ASB3: variants seen among roughly 807,000 people sequenced by gnomAD.
ASB3 encodes ankyrin repeat and SOCS box containing 3, also known as ankyrin repeat and SOCS box protein 3.
ASB3 carries 41 observed loss-of-function variants against 54.5 expected under a neutral mutation model. The ratio of observed to expected loss-of-function variants is 0.75; its 90% CI spans 0.59 to 0.98. The LOEUF is 0.98. ASB3 is among the 50% of genes least tolerant of loss of function. The pLI is 0.00. For missense variants in ASB3, 733 were observed against 620.0 expected (o/e 1.18, Z -1.94); for synonymous variants, 266 against 221.2 (o/e 1.20, Z -1.80).
intron 3 of ASB3, among the ~76,000 whole-genome samples, chr2:53,742,300 A>G (rs1671974187): frequency 6.6e-6 from 1 of 152,232 alleles, no homozygotes; most frequent in African/African-American, 2.4e-5. Flanking sequence ...CCTTCCTATT[A>G]TAAACCTCCT....
At chr2:53,698,604 C>T (rs1374823466) in intron 8 of ASB3, among the ~76,000 whole-genome samples, 1 of 152,180 alleles carries the variant, frequency 6.6e-6, no homozygotes, top group Non-Finnish European at 1.5e-5. Flanking sequence ...CCATAAAGTC[C>T]TTAGGCATAG....
chr2:53,762,652 CATTA>C (rs1673209960), intron 2 of ASB3, among the ~76,000 whole-genome samples: 1 of 152,116 alleles, frequency 6.6e-6, no homozygotes, highest in Non-Finnish European at 1.5e-5. Context: ...TATTGAATGG[CATTA>C]ATTGTCAGTG....
At chr2:53,739,566 C>T (rs1671821442) in intron 3 of ASB3, among the ~76,000 whole-genome samples, 1 of 152,094 alleles carries the variant, frequency 6.6e-6, no homozygotes, top group Non-Finnish European at 1.5e-5. Flanking sequence ...TAGGGAATTA[C>T]CATAACAATT....
In ASB3 at chr2:53,700,606, T is replaced by C. The variant is rs939439960; in HGVS notation, c.981-78A>G. On this transcript the variant is annotated intron_variant, in intron 7 of 9. Coordinates refer to ENST00000263634, the MANE Select transcript of ASB3 (RefSeq NM_016115.5). ...GATACTTCTTACAAACAGTTAATAG[T>C]AGTTACAGCTGGGGAATAAGTATGG... The C allele has an allele frequency of 4.0e-6, 6 of 1,503,464 alleles. No individual in the cohort carries two copies. In the Admixed American group the frequency reaches 9.3e-5, roughly 23 times the overall value. The allele number at this position is 1,503,464 out of a possible 1,614,324, so 93.1% of individuals were successfully genotyped here.
At chr2:53,682,073 T>C (rs1425677751) in intron 9 of ASB3, among the ~76,000 whole-genome samples, 1 of 151,750 alleles carries the variant, frequency 6.6e-6, no homozygotes, top group African/African-American at 2.4e-5. Context: ...GGCAGGAGAA[T>C]TGCTTGAATC....
At chr2:53,689,185 G>C (rs1668782444) in intron 9 of ASB3, among the ~76,000 whole-genome samples, 1 of 151,930 alleles carries the variant, frequency 6.6e-6, no homozygotes, top group Non-Finnish European at 1.5e-5. Flanking sequence ...AAAAAAAAGA[G>C]AAAGTGATGG....
chr2:53,763,262 G>A (rs966293324), intron 2 of ASB3, among the ~76,000 whole-genome samples: 2 of 152,184 alleles, frequency 1.3e-5, no homozygotes, highest in Admixed American at 6.5e-5. Flanking sequence ...GGGAGACTGA[G>A]GCAGGAGAAC....
At chr2:53,740,732 C>G (rs1380736648) in intron 3 of ASB3, among the ~76,000 whole-genome samples, 1 of 152,130 alleles carries the variant, frequency 6.6e-6, no homozygotes, top group Non-Finnish European at 1.5e-5. Context: ...TCCAATCATC[C>G]ACGTTATCAC....
intron 1 of ASB3, among the ~76,000 whole-genome samples, chr2:53,783,856 C>A (rs549286492): frequency 1.1e-4 from 17 of 152,252 alleles, no homozygotes; most frequent in African/African-American, 4.1e-4. Flanking sequence ...ATTAGTTATA[C>A]CCCTACAAGG....
At chr2:53,721,699 A>C (rs1670721863) in intron 5 of ASB3, among the ~76,000 whole-genome samples, 1 of 152,208 alleles carries the variant, frequency 6.6e-6, no homozygotes, top group African/African-American at 2.4e-5. Flanking sequence ...AATGCAGCAA[A>C]AAGTGTTAAG....
chr2:53,775,207 T>G (rs1674245554), intron 1 of ASB3: 1 of 152,664 alleles, frequency 6.6e-6, no homozygotes, highest in Non-Finnish European at 1.5e-5. Context: ...TGATGTAGTC[T>G]GTCATTCACT....
At chr2:53,677,528 G>GT (rs1345181592) in intron 9 of ASB3, among the ~76,000 whole-genome samples, 2 of 152,052 alleles carry the variant, frequency 1.3e-5, no homozygotes, top group Non-Finnish European at 2.9e-5. Context: ...CTTTAGCAGT[G>GT]TTTTCTATGC....
chr2:53,691,261 A>G (rs1668895878), intron 9 of ASB3, among the ~76,000 whole-genome samples: 1 of 152,172 alleles, frequency 6.6e-6, no homozygotes, highest in Admixed American at 6.5e-5. Flanking sequence ...GGGAGGAAAA[A>G]GGGGAGGAAA....
intron 9 of ASB3, among the ~76,000 whole-genome samples, chr2:53,686,846 C>A (rs914734016): frequency 6.6e-6 from 1 of 152,096 alleles, no homozygotes; most frequent in African/African-American, 2.4e-5. Flanking sequence ...CTCAGCCTCC[C>A]GAGTAGCTGG....
At chr2:53,735,120 A>G (rs978280952) in intron 3 of ASB3, among the ~76,000 whole-genome samples, 2 of 152,142 alleles carry the variant, frequency 1.3e-5, no homozygotes, top group Middle Eastern at 3.4e-3. Flanking sequence ...GTGTTTCACC[A>G]TGTTAGTTAG....
intron 8 of ASB3, among the ~76,000 whole-genome samples, chr2:53,695,326 G>C (rs931905272): frequency 2.0e-5 from 3 of 152,138 alleles, no homozygotes; most frequent in Admixed American, 6.6e-5. Context: ...GGGCAGCACA[G>C]ATGTCTTGGG....
intron 8 of ASB3, among the ~76,000 whole-genome samples, chr2:53,694,903 G>C (rs751509456): frequency 1.1e-3 from 163 of 152,084 alleles, no homozygotes; most frequent in Non-Finnish European, 1.6e-3. Context: ...GGTATTACCA[G>C]AAACGATTTG....
chr2:53,754,478 C>T (rs1672704964), intron 2 of ASB3, among the ~76,000 whole-genome samples: 1 of 152,124 alleles, frequency 6.6e-6, no homozygotes, highest in African/African-American at 2.4e-5. Flanking sequence ...GTGAGAAATA[C>T]TGAAGTCAAT....
chr2:53,700,991 C>A (rs576672839), intron 7 of ASB3, among the ~76,000 whole-genome samples: 2 of 152,248 alleles, frequency 1.3e-5, no homozygotes, highest in Admixed American at 1.3e-4. Flanking sequence ...ATTTATTTTT[C>A]TAGATACAGG....
Sources: allele counts gnomAD v4.1 joint callset (sites outside exome capture counted in the v4.1 genomes callset), GRCh38; gene constraint gnomAD v4.1.1; transcripts MANE v1.5; gene names NCBI Gene and HGNC (gene_info 2026-07-23, HGNC 2026-07-21).